Variants in TMOD2 observed in about 807,000 individuals in gnomAD.
The protein encoded by TMOD2 is tropomodulin 2.
In TMOD2, 22 loss-of-function variants were observed where a neutral mutation model predicts 39.9. The ratio of observed to expected loss-of-function variants is 0.55; its 90% confidence interval spans 0.39 to 0.79. The LOEUF (loss-of-function observed/expected upper bound fraction) is 0.79. TMOD2 is among the 30% of genes least tolerant of loss of function. The pLI is 0.00. For synonymous variants in TMOD2, 123 were observed against 146.1 expected, an observed-to-expected ratio of 0.84 and a Z score of 1.14; for missense variants, 386 against 413.3, an observed-to-expected ratio of 0.93 and a Z score of 0.57.
intron 1 of TMOD2, among the ~76,000 whole-genome samples, chr15:51,755,607 G>T (rs2055736449): frequency 6.6e-6 from 1 of 152,170 alleles, no homozygotes; most frequent in Non-Finnish European, 1.5e-5. Context: ...GTGGTTAGAG[G>T]AGTGTGGAGT....
chr15:51,797,565 A>G lies in TMOD2; in HGVS notation c.733-632A>G, dbSNP rs369442717. Among the ~76,000 whole-genome samples the G allele has an allele frequency of 3.3e-5, 5 of 152,160 alleles. No homozygotes were observed. The East Asian group carries it at 7.7e-4, about 23-fold the overall frequency. On this transcript the variant is annotated intron_variant, in intron 7 of 9. Transcript: ENST00000249700. ...TGCACTGTGAGAATTCCAGTCTCTT[A>G]AAAATTATATTATTTCTTCCTGGTG... is the stretch of plus-strand genomic sequence containing the variant.
At chr15:51,768,180 T>TGG in intron 2 of TMOD2, 82 bp from the exon 3 acceptor site, 1 of 1,514,812 alleles carries the variant, frequency 6.6e-7, no homozygotes. Context: ...CCCCAGCACA[T>TGG]AGTGAGTGGG....
chr15:51,756,430 T>C (rs1422016394), intron 1 of TMOD2: 1 of 152,266 alleles, frequency 6.6e-6, no homozygotes, highest in Non-Finnish European at 1.5e-5. Flanking sequence ...CTGCGCCTAA[T>C]ATGTACATGG....
intron 6 of TMOD2, among the ~76,000 whole-genome samples, 170 bp downstream of exon 6, chr15:51,781,344 A>G (rs1411907027): frequency 1.3e-5 from 2 of 152,272 alleles, no homozygotes; most frequent in East Asian, 1.9e-4. Context: ...AGTGATTTCT[A>G]TAATTATTTG....
chr15:51,795,356 T>C (rs576144041), intron 7 of TMOD2, among the ~76,000 whole-genome samples: 3 of 149,478 alleles, frequency 2.0e-5, no homozygotes, highest in African/African-American at 4.9e-5. Flanking sequence ...AACCAGGAGA[T>C]GGAGGTTACA....
chr15:51,756,243 A>G (rs1469090604), intron 1 of TMOD2: 3 of 152,212 alleles, frequency 2.0e-5, no homozygotes, highest in East Asian at 1.9e-4. Flanking sequence ...AGCTTACACT[A>G]TGGTGGCTTT....
intron 7 of TMOD2, among the ~76,000 whole-genome samples, chr15:51,794,227 A>G (rs527294447): frequency 2.2e-4 from 34 of 152,304 alleles, no homozygotes; most frequent in African/African-American, 7.7e-4. Context: ...ACAACAAAGA[A>G]TTCTTTGGCC....
At chr15:51,804,135 A>G (rs541508604) in intron 8 of TMOD2, among the ~76,000 whole-genome samples, 27 of 152,202 alleles carry the variant, frequency 1.8e-4, no homozygotes, top group Non-Finnish European at 3.4e-4. Context: ...ATGCCCCAAG[A>G]TGCACTGGGG....
intron 1 of TMOD2, among the ~76,000 whole-genome samples, chr15:51,762,559 A>G (rs1190385850): frequency 1.3e-5 from 2 of 152,236 alleles, no homozygotes; most frequent in African/African-American, 4.8e-5. Context: ...GACATACAAT[A>G]AAGTGCACAT....
Position 51,768,377 on chromosome 15 carries a change from AAGAC to A in TMOD2, c.246_249del (p.Asp82GlufsTer23). The stretch of plus-strand genomic sequence containing the variant: ...CTGGAGAAGGAGGCTTTGGAACAGA[AAGAC>A]AGAGAGGACTTTGTGCCCTTCACTG... On this transcript the variant is annotated frameshift_variant, in exon 3 of 10. Transcript: ENST00000249700. LOFTEE classifies it high-confidence loss of function. 1 of 1,614,072 alleles carries A rather than the reference AAGAC, an allele frequency of 6.2e-7. No homozygotes were observed. The highest frequency in any genetic ancestry group is 2.2e-5 in the East Asian group (1 of 44,886).
chr15:51,770,307 G>A (rs2055844474), intron 3 of TMOD2, among the ~76,000 whole-genome samples: 1 of 152,134 alleles, frequency 6.6e-6, no homozygotes, highest in South Asian at 2.1e-4. Flanking sequence ...AGGGCCTCGG[G>A]CTTTCTCTGA....
rs768320590 is a variant in TMOD2 at position 51,768,346 on chromosome 15, A to C, written c.211A>C (p.Met71Leu). ...CCCCTTTGACCGCGAGCACCTCCTC[A>C]TGTACCTGGAGAAGGAGGCTTTGGA... is the stretch of plus-strand genomic sequence containing the variant. ...TGPFDREHLL[M>L]YLEKEALEQK... The change falls in exon 3 of 10, where the codon ATG becomes CTG. Residue 71 changes from methionine to leucine, a missense_variant. Met to Leu is a conservative substitution (Grantham distance 15). Coordinates refer to ENST00000249700, the MANE Select transcript of TMOD2 (RefSeq NM_014548.4). 1 of 1,614,104 alleles carries C rather than the reference A, an allele frequency of 6.2e-7. No homozygotes were observed. Among genetic ancestry groups the C allele is most frequent in the Non-Finnish European group, 8.5e-7 (1 of 1,180,010 alleles).
At chr15:51,788,619 G>C (rs1460060410) in intron 7 of TMOD2, among the ~76,000 whole-genome samples, 1 of 152,228 alleles carries the variant, frequency 6.6e-6, no homozygotes, top group Non-Finnish European at 1.5e-5. Context: ...AGGGCAGCCA[G>C]AGAGAAAGGT....
intron 5 of TMOD2, 30 bp from the exon 6 acceptor site, chr15:51,781,014 C>A (rs757320074): frequency 6.4e-7 from 1 of 1,563,276 alleles, no homozygotes; most frequent in Admixed American, 2.1e-5. Context: ...AGAGACTTTG[C>A]ATTTTTTAAA....
At chr15:51,778,701 C>A (rs564238456) in intron 5 of TMOD2, among the ~76,000 whole-genome samples, 4 of 119,350 alleles carry the variant, frequency 3.4e-5, no homozygotes, top group Non-Finnish European at 6.5e-5. Flanking sequence ...GTCACCCAGG[C>A]TGGAGTGCAG....
At chr15:51,772,092 G>A (rs2055857471) in intron 3 of TMOD2, among the ~76,000 whole-genome samples, 1 of 152,206 alleles carries the variant, frequency 6.6e-6, no homozygotes, top group Non-Finnish European at 1.5e-5. Flanking sequence ...AATCAGGGAA[G>A]TCTCCTGGAG....
intron 3 of TMOD2, 42 bp downstream of exon 3, chr15:51,768,460 C>CTTTTTTT: frequency 1.5e-6 from 2 of 1,351,938 alleles, no homozygotes; most frequent in Admixed American, 2.6e-5. Context: ...GAGGTTCTCT[C>CTTTTTTT]TTTTTTTTTT....
chr15:51,784,913 A>T (rs1003242824), intron 7 of TMOD2: 5 of 152,234 alleles, frequency 3.3e-5, no homozygotes, highest in Admixed American at 1.3e-4. Flanking sequence ...CTACTGGTAA[A>T]TAATCTAACT....
chr15:51,760,987 G>A (rs908825898), intron 1 of TMOD2, among the ~76,000 whole-genome samples: 4 of 152,070 alleles, frequency 2.6e-5, no homozygotes, highest in African/African-American at 9.7e-5. Flanking sequence ...AAAGTAACGA[G>A]AGAGAAAACA....
Sources: gnomAD v4.1 joint callset for allele counts (sites outside exome capture counted in the v4.1 genomes callset) on GRCh38, gnomAD v4.1.1 for gene constraint, MANE v1.5 for transcripts, NCBI Gene and HGNC (gene_info 2026-07-23, HGNC 2026-07-21) for gene names.